Variants in GRM5 observed in about 807,000 individuals in gnomAD.
The protein encoded by GRM5 is glutamate metabotropic receptor 5, also known as metabotropic glutamate receptor 5.
In GRM5, 19 loss-of-function variants were observed where a neutral mutation model predicts 83.1. That is an observed-to-expected ratio of 0.23 (90% CI 0.16 to 0.34). GRM5 has a LOEUF of 0.34. Ranked by LOEUF, GRM5 falls within the 10% of genes least tolerant of loss-of-function variation. The pLI is 1.00. For synonymous variants in GRM5, 675 were observed against 633.6 expected (o/e 1.07, Z -0.98); for missense variants, 1,160 against 1,588.3 (o/e 0.73, Z 4.58).
At chr11:89,029,296 T>C (rs1941205394) in intron 2 of GRM5, among the ~76,000 whole-genome samples, 1 of 152,178 alleles carries the variant, frequency 6.6e-6, no homozygotes, top group South Asian at 2.1e-4. Flanking sequence ...TAAAAAATTT[T>C]TTGGATTATT....
chr11:88,594,077 G>A (rs1377055177), intron 6 of GRM5, among the ~76,000 whole-genome samples: 1 of 152,158 alleles, frequency 6.6e-6, no homozygotes, highest in African/African-American at 2.4e-5. Flanking sequence ...ACAGGCGTGA[G>A]CCACCCCGCC....
intron 2 of GRM5, among the ~76,000 whole-genome samples, chr11:89,044,340 T>A (rs1194515557): frequency 6.6e-6 from 1 of 152,144 alleles, no homozygotes; most frequent in African/African-American, 2.4e-5. Flanking sequence ...CAGGCATAAT[T>A]TCTGTGTAAT....
intron 4 of GRM5, among the ~76,000 whole-genome samples, chr11:88,614,741 A>G (rs1938422901): frequency 6.6e-6 from 1 of 152,190 alleles, no homozygotes; most frequent in Admixed American, 6.6e-5. Context: ...AGACCTGCAC[A>G]GCAGAAACTA....
At chr11:88,635,486 T>A (rs1939093301) in intron 4 of GRM5, among the ~76,000 whole-genome samples, 2 of 152,250 alleles carry the variant, frequency 1.3e-5, no homozygotes, top group Non-Finnish European at 2.9e-5. Context: ...GAAATGTGTA[T>A]TCAAATCCTT....
At chr11:88,792,449 C>G (rs11021338) in intron 3 of GRM5, among the ~76,000 whole-genome samples, 2,559 of 152,138 alleles carry the variant, frequency 0.017, 45 homozygotes, top group East Asian at 0.069. Context: ...GAAAACTACT[C>G]TTTTTATGGG....
At chr11:88,984,767 G>C in intron 2 of GRM5, 1 of 734,582 alleles carries the variant, frequency 1.4e-6, no homozygotes, top group Non-Finnish European at 2.5e-6. Flanking sequence ...TTGAATTACA[G>C]CACTGCTGGG....
intron 2 of GRM5, among the ~76,000 whole-genome samples, chr11:88,916,637 A>T (rs1402719941): frequency 6.6e-6 from 1 of 151,926 alleles, no homozygotes; most frequent in Non-Finnish European, 1.5e-5. Context: ...CTGGGCTTGG[A>T]GCCAGTGGAC....
intron 3 of GRM5, among the ~76,000 whole-genome samples, chr11:88,818,697 A>C (rs1943732021): frequency 6.6e-6 from 1 of 152,192 alleles, no homozygotes; most frequent in South Asian, 2.1e-4. Context: ...AGCTCTAATA[A>C]AGTAGTTCAT....
chr11:89,059,694 T>C (rs1941947749), intron 1 of GRM5, among the ~76,000 whole-genome samples: 1 of 152,142 alleles, frequency 6.6e-6, no homozygotes, highest in Admixed American at 6.5e-5. Context: ...CGCAGAAAAC[T>C]CGACATCCAA....
chr11:88,746,524 C>A (rs1000816945), intron 3 of GRM5, among the ~76,000 whole-genome samples: 4 of 151,122 alleles, frequency 2.6e-5, no homozygotes, highest in Non-Finnish European at 4.4e-5. Context: ...AATTTATTTT[C>A]TTGAGGCAGA....
At chr11:88,964,162 C>T (rs1029482897) in intron 2 of GRM5, among the ~76,000 whole-genome samples, 1 of 151,894 alleles carries the variant, frequency 6.6e-6, no homozygotes, top group African/African-American at 2.4e-5. Flanking sequence ...TAGTAGGCAG[C>T]CCTGAAAAAG....
intron 2 of GRM5, among the ~76,000 whole-genome samples, chr11:89,043,350 T>G (rs947088490): frequency 1.3e-5 from 2 of 152,062 alleles, no homozygotes; most frequent in African/African-American, 4.8e-5. Context: ...TAAAACACAA[T>G]ACAATAATTA....
At chr11:88,840,347 T>G (rs1944174951) in intron 3 of GRM5, among the ~76,000 whole-genome samples, 5 of 152,036 alleles carry the variant, frequency 3.3e-5, no homozygotes, top group Admixed American at 3.3e-4. Context: ...AACATCATCT[T>G]CCTCCTCATC....
intron 6 of GRM5, among the ~76,000 whole-genome samples, chr11:88,593,381 A>G (rs1937696300): frequency 6.6e-6 from 1 of 152,134 alleles, no homozygotes; most frequent in Non-Finnish European, 1.5e-5. Context: ...GACCAGTATT[A>G]AAAATATGAT....
intron 2 of GRM5, among the ~76,000 whole-genome samples, chr11:88,980,089 C>T (rs529861569): frequency 6.6e-5 from 10 of 152,180 alleles, no homozygotes; most frequent in South Asian, 2.1e-4. Context: ...TCTTAGTGTG[C>T]GGAGGTTGGA....
chr11:88,835,091 G>A (rs1944069247), intron 3 of GRM5, among the ~76,000 whole-genome samples: 1 of 152,060 alleles, frequency 6.6e-6, no homozygotes, highest in Non-Finnish European at 1.5e-5. Flanking sequence ...ATATTCTAGT[G>A]TAAGAGGGAA....
intron 4 of GRM5, among the ~76,000 whole-genome samples, chr11:88,652,094 T>G (rs1164277119): frequency 1.3e-5 from 2 of 152,060 alleles, no homozygotes; most frequent in African/African-American, 4.8e-5. Context: ...TCCAGCACCA[T>G]GGGTAAAGGC....
At chr11:88,751,084 A>AC (rs1318164541) in intron 3 of GRM5, among the ~76,000 whole-genome samples, 2 of 148,038 alleles carry the variant, frequency 1.4e-5, no homozygotes, top group Admixed American at 1.4e-4. Flanking sequence ...AAAAAAAAAA[A>AC]AAAAAAAAAA....
At chr11:88,780,931 T>C (rs2135462659) in intron 3 of GRM5, among the ~76,000 whole-genome samples, 1 of 152,124 alleles carries the variant, frequency 6.6e-6, no homozygotes, top group East Asian at 1.9e-4. Flanking sequence ...TTTGATCTAT[T>C]CATACATTTC....
Sources: gnomAD v4.1 joint callset for allele counts (sites outside exome capture counted in the v4.1 genomes callset) on GRCh38, gnomAD v4.1.1 for gene constraint, MANE v1.5 for transcripts, NCBI Gene and HGNC (gene_info 2026-07-23, HGNC 2026-07-21) for gene names.